NHS: variants seen among roughly 807,000 people sequenced by gnomAD.
The protein encoded by NHS is NHS actin remodeling regulator, also known as actin remodeling regulator NHS.
A neutral mutation model predicts 72.5 loss-of-function variants in NHS; 5 were observed. The ratio of observed to expected loss-of-function variants is 0.07; its 90% CI spans 0.04 to 0.14. The LOEUF (loss-of-function observed/expected upper bound fraction) is 0.14, where lower values mean the gene tolerates loss of function less well. Ranked by LOEUF, NHS falls within the 10% of genes least tolerant of loss-of-function variation. NHS has a pLI of 1.00. For synonymous variants in NHS, 464 were observed against 547.7 expected (o/e 0.85, Z 2.13); for missense variants, 1,072 against 1,355.7 (o/e 0.79, Z 3.29).
At chrX:17,568,337 C>T (rs2065456046) in intron 1 of NHS, among the ~76,000 whole-genome samples, 1 of 111,778 alleles carries the variant, frequency 8.9e-6, no homozygotes, top group Non-Finnish European at 1.9e-5. Context: ...ATGAAGAACC[C>T]ATATGGTTTG....
chrX:17,486,240 G>A (rs1180644605), intron 1 of NHS, among the ~76,000 whole-genome samples: 1 of 111,680 alleles, frequency 9.0e-6, no homozygotes, highest in East Asian at 2.8e-4. Flanking sequence ...GGCCAGAAAT[G>A]GAATGGAGTG....
chrX:17,598,280 G>C (rs1294661039), intron 1 of NHS, among the ~76,000 whole-genome samples: 1 of 112,086 alleles, frequency 8.9e-6, no homozygotes, highest in African/African-American at 3.2e-5. Context: ...TGGGAGTCCA[G>C]ACTCCAAGTC....
chrX:17,525,159 GT>G (rs1382340532), intron 1 of NHS, among the ~76,000 whole-genome samples: 3 of 112,155 alleles, frequency 2.7e-5, no homozygotes, highest in Non-Finnish European at 5.6e-5. Context: ...TTTCAAATAA[GT>G]TTTTAAATAC....
intron 1 of NHS, among the ~76,000 whole-genome samples, chrX:17,606,152 C>G (rs931712359): frequency 8.9e-6 from 1 of 111,842 alleles, no homozygotes. Flanking sequence ...TGAAGTGCTT[C>G]TTGTCTGTTT....
chrX:17,618,757 A>G (rs777319851), intron 1 of NHS, among the ~76,000 whole-genome samples: 1 of 112,390 alleles, frequency 8.9e-6, no homozygotes, highest in East Asian at 2.8e-4. Flanking sequence ...ATTTGTTTCT[A>G]TCAATTAATA....
At chrX:17,472,210 C>T (rs1445329636) in intron 1 of NHS, among the ~76,000 whole-genome samples, 2 of 110,160 alleles carry the variant, frequency 1.8e-5, no homozygotes, top group Non-Finnish European at 3.8e-5. Context: ...ACCAAGGATT[C>T]GGCATCTTGG....
chrX:17,562,624 A>T (rs968932769), intron 1 of NHS, among the ~76,000 whole-genome samples: 2 of 111,772 alleles, frequency 1.8e-5, no homozygotes, highest in Non-Finnish European at 1.9e-5. Context: ...AGACTTTCTC[A>T]TAGTTATGGT....
intron 1 of NHS, among the ~76,000 whole-genome samples, chrX:17,461,271 C>A (rs1322893806): frequency 8.9e-6 from 1 of 112,006 alleles, no homozygotes; most frequent in Non-Finnish European, 1.9e-5. Flanking sequence ...GAAAGCTTTT[C>A]AGGGGAGGTA....
At chrX:17,573,819 C>T (rs1049826478) in intron 1 of NHS, among the ~76,000 whole-genome samples, 2 of 111,721 alleles carry the variant, frequency 1.8e-5, no homozygotes, top group African/African-American at 6.5e-5. Context: ...GTGGTTTTAT[C>T]TAACTTTGGT....
intron 1 of NHS, among the ~76,000 whole-genome samples, chrX:17,585,753 A>G (rs186728162): frequency 9.6e-6 from 1 of 104,243 alleles, no homozygotes; most frequent in African/African-American, 3.8e-5. Flanking sequence ...AATAATAATA[A>G]TAATAATAAT....
Position 17,727,820 on chromosome X carries a change from T to C in NHS, c.3714T>C (p.Gly1238=), listed in dbSNP as rs1309026834. 1.7e-6 allele frequency: 2 copies of C among 1,211,695 alleles called. No individual in the cohort carries two copies. Among genetic ancestry groups the C allele is most frequent in the Non-Finnish European group, 1.1e-6 (1 of 895,381 alleles). Residue 1238 remains glycine, a synonymous_variant, in exon 7 of 9, where the codon GGT becomes GGC. Coordinates refer to ENST00000676302, the MANE Select transcript of NHS (RefSeq NM_001291867.2). ...ATCCAGAAACCATAACATCAGCTGGTAGCAGTCTTCTAGATTCAAATGTCA... is the reference window on the plus strand; with the variant it reads ...ATCCAGAAACCATAACATCAGCTGGCAGCAGTCTTCTAGATTCAAATGTCA... ...RCDPETITSA[G]SSLLDSNVTK...
At position 17,591,654 on chromosome X, in the gene NHS, C is replaced by T. The variant is rs6629238; in HGVS notation, c.566-96088C>T. On this transcript the variant is annotated intron_variant, in intron 1 of 8. Coordinates refer to ENST00000676302, the MANE Select transcript of NHS (RefSeq NM_001291867.2). ...AGGTGCACCAACTAATGTGTGACCC[C>T]GGATCACACTGCTTGCCCCACAAAT... 6.3e-5 allele frequency among the ~76,000 whole-genome samples: 7 copies of T among 111,348 alleles called. No individual in the cohort carries two copies. The South Asian group carries it at 1.5e-3, about 24-fold the overall frequency.
At chrX:17,668,900 T>C (rs951354515) in intron 1 of NHS, among the ~76,000 whole-genome samples, 2 of 111,678 alleles carry the variant, frequency 1.8e-5, no homozygotes, top group Non-Finnish European at 3.8e-5. Flanking sequence ...GAGGAGGGCA[T>C]CTGTTACTGC....
intron 1 of NHS, among the ~76,000 whole-genome samples, chrX:17,633,531 C>T (rs754750534): frequency 8.9e-6 from 1 of 112,253 alleles, no homozygotes; most frequent in Non-Finnish European, 1.9e-5. Flanking sequence ...ATTTTGCCAT[C>T]TCAGCCCAGC....
intron 1 of NHS, among the ~76,000 whole-genome samples, chrX:17,399,887 C>A: frequency 8.9e-6 from 1 of 111,879 alleles, no homozygotes; most frequent in Middle Eastern, 4.6e-3. Flanking sequence ...GACAAAAACA[C>A]TTAACAAACT....
intron 8 of NHS, among the ~76,000 whole-genome samples, chrX:17,730,240 C>T (rs750504589): frequency 5.3e-5 from 6 of 112,390 alleles, no homozygotes; most frequent in East Asian, 5.6e-4. Context: ...GTGGACAGGA[C>T]GTAAATAGTG....
rs1226958964 is a variant in NHS, at chrX:17,734,760, T to C, written c.*2296T>C. The C allele has an allele frequency of 8.9e-6, 1 of 112,653 alleles. No homozygotes were observed. Among genetic ancestry groups the C allele is most frequent in the Admixed American group, 9.4e-5 (1 of 10,658 alleles). The allele number at this position is 112,653 out of a possible 1,213,427, so 9.3% of individuals were successfully genotyped here. On this transcript the variant is annotated 3_prime_UTR_variant, in exon 9 of 9. Transcript: ENST00000676302. ...GATTTGAAAAGTACACCTTGCAAAGTTTTAAAAATAAAGTTTTTAGGCAAA... is the reference window on the plus strand; with the variant it reads ...GATTTGAAAAGTACACCTTGCAAAGCTTTAAAAATAAAGTTTTTAGGCAAA...
At chrX:17,448,816 C>A (rs1262727836) in intron 1 of NHS, among the ~76,000 whole-genome samples, 2 of 111,678 alleles carry the variant, frequency 1.8e-5, no homozygotes, top group Non-Finnish European at 3.8e-5. Context: ...AGTATATGTG[C>A]ATATATATGT....
intron 1 of NHS, among the ~76,000 whole-genome samples, chrX:17,641,515 A>G (rs1009437544): frequency 1.8e-5 from 2 of 112,027 alleles, no homozygotes; most frequent in African/African-American, 3.2e-5. Context: ...GAAAATAACT[A>G]TGAATTTGGA....
Sources: gnomAD v4.1 joint callset for allele counts (sites outside exome capture counted in the v4.1 genomes callset) on GRCh38, gnomAD v4.1.1 for gene constraint, MANE v1.5 for transcripts, NCBI Gene and HGNC (gene_info 2026-07-23, HGNC 2026-07-21) for gene names.